MPPED2: variants seen among roughly 807,000 people sequenced by gnomAD.
MPPED2 encodes the protein metallophosphoesterase MPPED2.
A neutral mutation model predicts 33.0 loss-of-function variants in MPPED2; 5 were observed. The observed-to-expected ratio is 0.15, with a 90% CI of 0.08 to 0.32. The LOEUF (loss-of-function observed/expected upper bound fraction) is 0.32, where lower values mean the gene tolerates loss of function less well. Among genes scored for constraint, MPPED2 ranks in the 10% least tolerant of loss-of-function variants. The pLI, the probability that MPPED2 is intolerant of heterozygous loss-of-function variation, is 1.00. For synonymous variants in MPPED2, 136 were observed against 141.9 expected, an observed-to-expected ratio of 0.96 and a Z score of 0.29; for missense variants, 275 against 372.1, an observed-to-expected ratio of 0.74 and a Z score of 2.15.
chr11:30,474,772 T>C (rs1298155464), intron 4 of MPPED2, among the ~76,000 whole-genome samples: 2 of 152,120 alleles, frequency 1.3e-5, no homozygotes, highest in African/African-American at 4.8e-5. Flanking sequence ...ATTCTCGGTG[T>C]TGGTCATCCC....
chr11:30,400,027 T>A (rs887776843), intron 6 of MPPED2, among the ~76,000 whole-genome samples: 9 of 152,206 alleles, frequency 5.9e-5, no homozygotes, highest in Non-Finnish European at 1.3e-4. Context: ...TTAACATTTT[T>A]TTAGGTGCAA....
intron 3 of MPPED2, among the ~76,000 whole-genome samples, chr11:30,512,715 T>A (rs1953289253): frequency 6.6e-6 from 1 of 152,106 alleles, no homozygotes; most frequent in African/African-American, 2.4e-5. Flanking sequence ...AAAAAGTAAA[T>A]CATGGCTGGG....
intron 4 of MPPED2, among the ~76,000 whole-genome samples, chr11:30,494,936 C>G (rs1952183788): frequency 1.3e-5 from 2 of 152,014 alleles, no homozygotes; most frequent in Non-Finnish European, 2.9e-5. Context: ...TTAAAGTCTT[C>G]ACGAGGATGT....
At chr11:30,582,352 A>G (rs1159685638) in intron 1 of MPPED2, among the ~76,000 whole-genome samples, 2 of 152,224 alleles carry the variant, frequency 1.3e-5, no homozygotes, top group African/African-American at 4.8e-5. Flanking sequence ...ACATTTTCAG[A>G]CTGTGAGAAG....
At chr11:30,487,342 GTC>G (rs1024947698) in intron 4 of MPPED2, among the ~76,000 whole-genome samples, 77 of 152,302 alleles carry the variant, frequency 5.1e-4, no homozygotes, top group African/African-American at 1.7e-3. Flanking sequence ...CAGGGCTGCT[GTC>G]TCTCTCCACT....
chr11:30,442,367 T>C (rs1218907407), intron 4 of MPPED2, among the ~76,000 whole-genome samples: 4 of 152,110 alleles, frequency 2.6e-5, no homozygotes, highest in African/African-American at 9.7e-5. Flanking sequence ...CAAAAAGCAA[T>C]AGGGGAAGCT....
chr11:30,542,459 C>CAA (rs59474313), intron 2 of MPPED2, among the ~76,000 whole-genome samples: 41 of 77,650 alleles, frequency 5.3e-4, no homozygotes, highest in South Asian at 1.1e-3. Flanking sequence ...ACCAAAAGTA[C>CAA]AAAAAAAAAA....
At chr11:30,574,354 G>C (rs193154215) in intron 2 of MPPED2, among the ~76,000 whole-genome samples, 1 of 152,160 alleles carries the variant, frequency 6.6e-6, no homozygotes, top group East Asian at 1.9e-4. Flanking sequence ...ATATAGGTTT[G>C]TAGACTAGGA....
At chr11:30,480,697 T>G (rs1015048653) in intron 4 of MPPED2, among the ~76,000 whole-genome samples, 10 of 152,124 alleles carry the variant, frequency 6.6e-5, no homozygotes, top group African/African-American at 2.4e-4. Flanking sequence ...TTACTTGAAA[T>G]TTTTAGAGAT....
At chr11:30,583,774 T>G (rs1957306216) in intron 1 of MPPED2, among the ~76,000 whole-genome samples, 1 of 152,176 alleles carries the variant, frequency 6.6e-6, no homozygotes, top group Admixed American at 6.5e-5. Flanking sequence ...ACCCCTGCAC[T>G]GCCCAGCACA....
At chr11:30,415,598 T>G in intron 5 of MPPED2, among the ~76,000 whole-genome samples, 1 of 152,174 alleles carries the variant, frequency 6.6e-6, no homozygotes, top group East Asian at 1.9e-4. Flanking sequence ...GGTTTAACAA[T>G]ACCTTAGGAA....
At chr11:30,518,803 C>A (rs954521943) in intron 3 of MPPED2, among the ~76,000 whole-genome samples, 13 of 152,158 alleles carry the variant, frequency 8.5e-5, no homozygotes, top group Non-Finnish European at 1.5e-4. Context: ...CCTGCCTTCC[C>A]ACCACCCTTA....
chr11:30,541,413 T>C (rs1955105805), intron 2 of MPPED2, among the ~76,000 whole-genome samples: 1 of 152,192 alleles, frequency 6.6e-6, no homozygotes, highest in Non-Finnish European at 1.5e-5. Flanking sequence ...ATGTGGTTTG[T>C]TGTGACATGG....
intron 4 of MPPED2, among the ~76,000 whole-genome samples, chr11:30,454,425 A>G (rs1419191181): frequency 6.6e-6 from 1 of 152,130 alleles, no homozygotes; most frequent in Non-Finnish European, 1.5e-5. Flanking sequence ...TTCCCCGAGC[A>G]TTTTTTGTAT....
intron 2 of MPPED2, among the ~76,000 whole-genome samples, chr11:30,536,703 A>G (rs1954830682): frequency 6.6e-6 from 1 of 152,124 alleles, no homozygotes; most frequent in South Asian, 2.1e-4. Context: ...CAACCATTCA[A>G]CACCTGTATC....
At chr11:30,392,982 C>T (rs1947798881) in intron 6 of MPPED2, among the ~76,000 whole-genome samples, 1 of 152,166 alleles carries the variant, frequency 6.6e-6, no homozygotes, top group Admixed American at 6.5e-5. Flanking sequence ...AGTCTTCCCT[C>T]TGTTCCTCTT....
chr11:30,501,392 G>T (rs1952554335), intron 3 of MPPED2, among the ~76,000 whole-genome samples: 1 of 152,188 alleles, frequency 6.6e-6, no homozygotes, highest in Admixed American at 6.5e-5. Context: ...TAAGCATTTG[G>T]ATCTAAAAGT....
intron 4 of MPPED2, among the ~76,000 whole-genome samples, chr11:30,453,572 C>T (rs1389541249): frequency 2.0e-5 from 3 of 152,194 alleles, no homozygotes; most frequent in Non-Finnish European, 2.9e-5. Flanking sequence ...CGTATGGAGA[C>T]GTTCTCTCTG....
intron 4 of MPPED2, among the ~76,000 whole-genome samples, chr11:30,430,871 CA>C (rs1212792541): frequency 6.6e-6 from 1 of 152,182 alleles, no homozygotes; most frequent in Non-Finnish European, 1.5e-5. Context: ...TGTCTATGTT[CA>C]ATCTGCATCT....
Sources: allele counts gnomAD v4.1 joint callset (sites outside exome capture counted in the v4.1 genomes callset), GRCh38; gene constraint gnomAD v4.1.1; transcripts MANE v1.5; gene names NCBI Gene and HGNC (gene_info 2026-07-23, HGNC 2026-07-21).